The following ITFG1 variants were observed in gnomAD, a reference collection of about 807,000 sequenced individuals.
ITFG1 encodes integrin alpha FG-GAP repeat containing 1.
ITFG1 carries 34 observed loss-of-function variants against 81.8 expected under a neutral mutation model. The observed-to-expected ratio is 0.42, with a 90% CI of 0.32 to 0.55. The LOEUF (loss-of-function observed/expected upper bound fraction) is 0.55. Among genes scored for constraint, ITFG1 ranks in the 20% least tolerant of loss-of-function variants. The pLI is 0.17. For missense variants in ITFG1, 672 were observed against 755.4 expected (o/e 0.89, Z 1.29); for synonymous variants, 285 against 270.6 (o/e 1.05, Z -0.52).
intron 6 of ITFG1, among the ~76,000 whole-genome samples, chr16:47,409,904 G>C (rs761715419): frequency 3.3e-5 from 5 of 151,924 alleles, no homozygotes; most frequent in Non-Finnish European, 5.9e-5. Flanking sequence ...GAGATATGTA[G>C]AGCATACATC....
intron 2 of ITFG1, among the ~76,000 whole-genome samples, chr16:47,455,947 A>G (rs1249920442): frequency 8.5e-5 from 13 of 152,082 alleles, no homozygotes; most frequent in Non-Finnish European, 1.8e-4. Context: ...CTCCTAAAAG[A>G]GACAAAAAAA....
At chr16:47,222,413 CTTTTTTTTT>C (rs1043034196) in intron 13 of ITFG1, among the ~76,000 whole-genome samples, 1 of 130,930 alleles carries the variant, frequency 7.6e-6, no homozygotes, top group Non-Finnish European at 1.6e-5. Flanking sequence ...GAGTTTCTTT[CTTTTTTTTT>C]TTTTTTTTTG....
intron 7 of ITFG1, among the ~76,000 whole-genome samples, chr16:47,374,450 A>G (rs1480464715): frequency 6.6e-6 from 1 of 152,182 alleles, no homozygotes; most frequent in East Asian, 1.9e-4. Context: ...AAAGAACCTC[A>G]GATACTTAAG....
intron 7 of ITFG1, among the ~76,000 whole-genome samples, chr16:47,366,343 G>T (rs1443138936): frequency 1.3e-5 from 2 of 152,128 alleles, no homozygotes; most frequent in African/African-American, 4.8e-5. Flanking sequence ...ATTAAGAAAA[G>T]ATATTGAAAT....
At chr16:47,233,372 A>G (rs889788702) in intron 13 of ITFG1, among the ~76,000 whole-genome samples, 6 of 152,130 alleles carry the variant, frequency 3.9e-5, no homozygotes, top group East Asian at 1.9e-4. Context: ...TAACTGAAAA[A>G]CTGCTGGAGG....
At chr16:47,249,597 A>G (rs922494512) in intron 12 of ITFG1, among the ~76,000 whole-genome samples, 9 of 152,202 alleles carry the variant, frequency 5.9e-5, no homozygotes, top group Admixed American at 2.0e-4. Context: ...AAAAAGCAGT[A>G]ATTAAAACAC....
intron 12 of ITFG1, among the ~76,000 whole-genome samples, chr16:47,242,102 G>A (rs1965942373): frequency 6.6e-6 from 1 of 151,972 alleles, no homozygotes; most frequent in Admixed American, 6.5e-5. Context: ...ACTTCAAATG[G>A]GTCATGATGC....
At chr16:47,298,224 A>C (rs1967014239) in intron 10 of ITFG1, among the ~76,000 whole-genome samples, 1 of 152,088 alleles carries the variant, frequency 6.6e-6, no homozygotes, top group African/African-American at 2.4e-5. Context: ...ATTCAAAATT[A>C]ATTTGTTGAT....
chr16:47,212,835 T>C (rs746542272), intron 14 of ITFG1, among the ~76,000 whole-genome samples: 4 of 152,214 alleles, frequency 2.6e-5, no homozygotes, highest in Non-Finnish European at 4.4e-5. Context: ...TGGTCAGTCC[T>C]GGTACAGATT....
intron 13 of ITFG1, 112 bp downstream of exon 13, chr16:47,237,853 A>G: frequency 1.7e-6 from 1 of 599,134 alleles, no homozygotes; most frequent in East Asian, 3.3e-5. Flanking sequence ...GGATTCTTTA[A>G]TCACTGCCAG....
At chr16:47,352,768 T>C (rs989735386) in intron 8 of ITFG1, among the ~76,000 whole-genome samples, 7 of 152,230 alleles carry the variant, frequency 4.6e-5, no homozygotes, top group South Asian at 2.1e-4. Flanking sequence ...CATATGTTTA[T>C]TGCGACACTA....
intron 5 of ITFG1, among the ~76,000 whole-genome samples, chr16:47,436,425 A>G (rs1490244699): frequency 6.6e-6 from 1 of 152,204 alleles, no homozygotes; most frequent in East Asian, 1.9e-4. Context: ...ATGAAAATAC[A>G]TTTTATTAGT....
Position 47,461,031 on chromosome 16 carries a change from G to A in ITFG1, c.15C>T (p.Gly5=). The change falls in exon 1 of 18, where the codon GGC becomes GGT. Residue 5 remains glycine (G), a synonymous_variant. Transcript: ENST00000320640. Reference sequence around the variant, plus strand: ...AGAGGGCCCAGGAGCTCGGGAGCCGGCCCGCCGCCGCCATGGCAGCCCCTC... The same window carrying A: ...AGAGGGCCCAGGAGCTCGGGAGCCGACCCGCCGCCGCCATGGCAGCCCCTC... The part of the protein sequence containing the change: MAAA[G]RLPSSWALFS... 7 of 1,540,328 alleles carry A rather than the reference G, an allele frequency of 4.5e-6. No homozygotes were observed. Among genetic ancestry groups the A allele is most frequent in the Non-Finnish European group, 5.2e-6 (6 of 1,145,574 alleles).
In ITFG1 at chr16:47,237,928, T is replaced by G. The variant is rs1453174117; in HGVS notation, c.1374+37A>C. ...GTGTGTCTACTTATACATAGAATTT[T>G]CATAGACATATTTATAACAGATATA... On this transcript the variant is annotated intron_variant, in intron 13 of 17. Transcript: ENST00000320640. The G allele has an allele frequency of 8.8e-6, 8 of 907,668 alleles. No homozygotes were observed. In the Middle Eastern group the frequency reaches 1.0e-3, roughly 115 times the overall value. The allele number at this position is 907,668 out of a possible 1,614,324, so 56.2% of individuals were successfully genotyped here. A position where few individuals can be genotyped will look rare whatever the true frequency, so the allele number is the denominator to read the frequency against.
intron 10 of ITFG1, among the ~76,000 whole-genome samples, chr16:47,296,523 C>T (rs1030810524): frequency 6.6e-6 from 1 of 152,070 alleles, no homozygotes; most frequent in Non-Finnish European, 1.5e-5. Flanking sequence ...GAAACTTCCG[C>T]CTCCCGGATT....
At chr16:47,401,172 T>G (rs1386193704) in intron 6 of ITFG1, among the ~76,000 whole-genome samples, 1 of 152,088 alleles carries the variant, frequency 6.6e-6, no homozygotes, top group African/African-American at 2.4e-5. Context: ...TGATTGGATG[T>G]GAGGTGTGAG....
chr16:47,449,998 A>C (rs1018721034), intron 5 of ITFG1: 1 of 152,228 alleles, frequency 6.6e-6, no homozygotes, highest in African/African-American at 2.4e-5. Flanking sequence ...AGTTACCACA[A>C]AATAAAACAG....
chr16:47,282,997 T>C (rs1966466595), intron 10 of ITFG1, among the ~76,000 whole-genome samples: 1 of 152,098 alleles, frequency 6.6e-6, no homozygotes, highest in South Asian at 2.1e-4. Flanking sequence ...TGTCAGATGT[T>C]CAGTTTGCAA....
At chr16:47,162,390 C>T (rs1596775443) in intron 15 of ITFG1, 150 bp downstream of exon 15, 1 of 639,382 alleles carries the variant, frequency 1.6e-6, no homozygotes, top group East Asian at 3.3e-5. Context: ...AGGTCACTAC[C>T]AATAAATTTT....
Sources: gnomAD v4.1 joint callset for allele counts (sites outside exome capture counted in the v4.1 genomes callset) on GRCh38, gnomAD v4.1.1 for gene constraint, MANE v1.5 for transcripts, NCBI Gene and HGNC (gene_info 2026-07-23, HGNC 2026-07-21) for gene names.